MYCBP2: variants seen among roughly 807,000 people sequenced by gnomAD.
MYCBP2 encodes MYC binding protein 2.
In MYCBP2, 120 loss-of-function variants were observed where a neutral mutation model predicts 525.3. That is an observed-to-expected ratio of 0.23 (90% CI 0.20 to 0.27). The LOEUF is 0.27. Ranked by LOEUF, MYCBP2 falls within the 10% of genes least tolerant of loss-of-function variation. The probability of loss-of-function intolerance (pLI) is 1.00; values close to 1 mark genes in which losing one functional copy is unlikely to be tolerated. For missense variants in MYCBP2, 4,149 were observed against 5,657.1 expected, an observed-to-expected ratio of 0.73 and a Z score of 8.55; for synonymous variants, 1,894 against 1,955.8, an observed-to-expected ratio of 0.97 and a Z score of 0.83.
chr13:77,239,448 G>A (rs1335574491), intron 17 of MYCBP2, among the ~76,000 whole-genome samples: 1 of 152,148 alleles, frequency 6.6e-6, no homozygotes, highest in East Asian at 1.9e-4. Flanking sequence ...TGCCAGAGAA[G>A]AGCCTTAGAA....
intron 82 of MYCBP2, among the ~76,000 whole-genome samples, chr13:77,047,960 C>T (rs1408348787): frequency 6.6e-6 from 1 of 152,158 alleles, no homozygotes; most frequent in East Asian, 1.9e-4. Flanking sequence ...GAGCTTTCTT[C>T]TTTTGCTTAT....
chr13:77,205,912 A>T (rs2063273178), intron 24 of MYCBP2, among the ~76,000 whole-genome samples: 2 of 152,206 alleles, frequency 1.3e-5, no homozygotes, highest in Admixed American at 1.3e-4. Context: ...TGATTCTTAA[A>T]GTGCTATTTG....
intron 17 of MYCBP2, among the ~76,000 whole-genome samples, chr13:77,240,543 G>C (rs1204321709): frequency 6.6e-6 from 1 of 152,156 alleles, no homozygotes; most frequent in Non-Finnish European, 1.5e-5. Context: ...GGGAGGGAGA[G>C]GTTGCAGTGG....
chr13:77,135,753 C>T (rs1333345844), intron 52 of MYCBP2, among the ~76,000 whole-genome samples: 1 of 152,190 alleles, frequency 6.6e-6, no homozygotes, highest in East Asian at 1.9e-4. Context: ...TCTTCCTGAT[C>T]CAAACTATTC....
At chr13:77,310,838 A>G (rs1481643585) in intron 1 of MYCBP2, among the ~76,000 whole-genome samples, 1 of 152,162 alleles carries the variant, frequency 6.6e-6, no homozygotes, top group Admixed American at 6.5e-5. Flanking sequence ...GCTGCTAAAA[A>G]TCAATAAAAG....
At position 77,077,554 on chromosome 13, in the gene MYCBP2, G is replaced by A. The variant is rs1033550545; in HGVS notation, c.11485-167C>T. 5 of 759,706 alleles carry A rather than the reference G, an allele frequency of 6.6e-6. No individual in the cohort carries two copies. The African/African-American group carries it at 8.8e-5, about 13-fold the overall frequency. 47.1% of individuals were successfully genotyped at this position (759,706 alleles called of 1,614,324 possible). ...TCTTATTTCAACCAGGTGAAGATAA[G>A]TAATATTATTTATAGTAGCTATTAC... On this transcript the variant is annotated intron_variant, in intron 66 of 82. Transcript: ENST00000544440.
intron 17 of MYCBP2, among the ~76,000 whole-genome samples, chr13:77,241,850 G>GA (rs61400342): frequency 0.039 from 5,866 of 151,970 alleles, 401 homozygotes; most frequent in African/African-American, 0.13. Context: ...AGAATAGCTA[G>GA]AAAAAAATAT....
intron 27 of MYCBP2, among the ~76,000 whole-genome samples, chr13:77,192,394 A>G (rs1463551984): frequency 6.6e-6 from 1 of 152,250 alleles, no homozygotes; most frequent in Non-Finnish European, 1.5e-5. Context: ...AGTCTGTCAC[A>G]TAATATCTAT....
At chr13:77,254,165 A>T (rs1287400146) in intron 14 of MYCBP2, among the ~76,000 whole-genome samples, 1 of 151,988 alleles carries the variant, frequency 6.6e-6, no homozygotes, top group Admixed American at 6.6e-5. Context: ...TTATAAAAAC[A>T]CATAAAACAG....
At chr13:77,179,868 A>G (rs566494049) in intron 34 of MYCBP2, among the ~76,000 whole-genome samples, 229 of 152,260 alleles carry the variant, frequency 1.5e-3, no homozygotes, top group African/African-American at 5.2e-3. Context: ...GGGCTTGTGC[A>G]ATGGGGCAGA....
chr13:77,200,048 C>T (rs1380038541), intron 26 of MYCBP2, among the ~76,000 whole-genome samples: 1 of 152,196 alleles, frequency 6.6e-6, no homozygotes, highest in East Asian at 1.9e-4. Flanking sequence ...TGGAGAATGA[C>T]TTTGACGAGC....
chr13:77,142,371 A>C (rs2054812366), intron 49 of MYCBP2, among the ~76,000 whole-genome samples: 1 of 152,248 alleles, frequency 6.6e-6, no homozygotes. Flanking sequence ...TATTGAAATA[A>C]AGAAGAGTGC....
At chr13:77,188,900 T>C in intron 30 of MYCBP2, 51 bp downstream of exon 30, 1 of 1,240,066 alleles carries the variant, frequency 8.1e-7, no homozygotes, top group Non-Finnish European at 1.1e-6. Context: ...AACATCAAAA[T>C]GTATCTGAGG....
intron 1 of MYCBP2, among the ~76,000 whole-genome samples, chr13:77,301,510 G>A (rs557573742): frequency 1.1e-4 from 17 of 151,794 alleles, no homozygotes; most frequent in Middle Eastern, 3.4e-3. Flanking sequence ...AGTAGAGGGA[G>A]GGAGCGGTCT....
At chr13:77,083,534 C>T (rs972186994) in intron 62 of MYCBP2, among the ~76,000 whole-genome samples, 3 of 151,430 alleles carry the variant, frequency 2.0e-5, no homozygotes, top group Non-Finnish European at 4.4e-5. Flanking sequence ...TATACACATA[C>T]ATATATGTAG....
chr13:77,125,542 C>G, intron 53 of MYCBP2, 74 bp from the exon 54 acceptor site: 1 of 1,535,740 alleles, frequency 6.5e-7, no homozygotes, highest in Non-Finnish European at 8.9e-7. Flanking sequence ...CAGTAAAAAT[C>G]TTACGTGTCT....
intron 63 of MYCBP2, among the ~76,000 whole-genome samples, chr13:77,082,564 A>C (rs1245516520): frequency 6.6e-6 from 1 of 152,162 alleles, no homozygotes; most frequent in Non-Finnish European, 1.5e-5. Context: ...AGCAATGCTA[A>C]ATTCTCAACA....
chr13:77,261,112 A>C (rs1278147783), intron 12 of MYCBP2, 59 bp downstream of exon 12: 1 of 1,376,804 alleles, frequency 7.3e-7, no homozygotes, highest in Non-Finnish European at 1.0e-6. Context: ...ATAAAGTTTT[A>C]TTTTTACTAA....
At chr13:77,254,401 CAA>C (rs2071789311) in intron 14 of MYCBP2, among the ~76,000 whole-genome samples, 1 of 151,478 alleles carries the variant, frequency 6.6e-6, no homozygotes, top group Non-Finnish European at 1.5e-5. Context: ...AAAAAAATGA[CAA>C]GACATGGTAG....
Sources: allele counts gnomAD v4.1 joint callset (sites outside exome capture counted in the v4.1 genomes callset), GRCh38; gene constraint gnomAD v4.1.1; transcripts MANE v1.5; gene names NCBI Gene and HGNC (gene_info 2026-07-23, HGNC 2026-07-21).